ZNRF3: variants seen among roughly 807,000 people sequenced by gnomAD.
ZNRF3 encodes zinc and ring finger 3, also known as E3 ubiquitin-protein ligase ZNRF3.
A neutral mutation model predicts 72.5 loss-of-function variants in ZNRF3; 23 were observed. That is an observed-to-expected ratio of 0.32 (90% CI 0.23 to 0.45). The LOEUF is 0.45. Ranked by LOEUF, ZNRF3 falls within the 20% of genes least tolerant of loss-of-function variation. The probability of loss-of-function intolerance (pLI) is 1.00; values close to 1 mark genes in which losing one functional copy is unlikely to be tolerated. For missense variants in ZNRF3, 1,169 were observed against 1,272.1 expected (o/e 0.92, Z 1.23); for synonymous variants, 610 against 545.3 (o/e 1.12, Z -1.65).
At position 29,056,316 on chromosome 22, in the gene ZNRF3, G is replaced by A. The variant is rs1364318780; in HGVS notation, c.*2694G>A. 2 of 152,102 alleles carry A rather than the reference G, an allele frequency of 1.3e-5. No individual in the cohort carries two copies. The highest frequency in any genetic ancestry group is 2.9e-5 in the Non-Finnish European group (2 of 68,048). The allele number at this position is 152,102 out of a possible 1,614,324, so 9.4% of individuals were successfully genotyped here. A position where few individuals can be genotyped will look rare whatever the true frequency, so the allele number is the denominator to read the frequency against. On this transcript the variant is annotated 3_prime_UTR_variant, in exon 9 of 9. Transcript: ENST00000544604. ...GGGTATCTCCATGTTGGTCAGGCTG[G>A]TCTTGGATTCCCGACCTCAGGTGAT...
At chr22:29,003,970 C>T (rs530896834) in intron 2 of ZNRF3, among the ~76,000 whole-genome samples, 1 of 152,360 alleles carries the variant, frequency 6.6e-6, no homozygotes, top group East Asian at 1.9e-4. Context: ...TTTGGGCAAT[C>T]CAGGTGTGTT....
At chr22:28,980,642 A>G (rs2035748827) in intron 1 of ZNRF3, among the ~76,000 whole-genome samples, 1 of 152,256 alleles carries the variant, frequency 6.6e-6, no homozygotes, top group Non-Finnish European at 1.5e-5. Flanking sequence ...CAAAGAGCAA[A>G]AGTAAAACAA....
chr22:28,989,494 G>C (rs2035916789), intron 2 of ZNRF3, among the ~76,000 whole-genome samples: 1 of 152,150 alleles, frequency 6.6e-6, no homozygotes, highest in Non-Finnish European at 1.5e-5. Context: ...CAAAAAAATA[G>C]GTTAAAGGAA....
intron 1 of ZNRF3, among the ~76,000 whole-genome samples, chr22:28,969,906 T>C (rs1049483536): frequency 3.9e-5 from 6 of 151,960 alleles, no homozygotes; most frequent in African/African-American, 1.5e-4. Context: ...GGGTTCTGAA[T>C]AGGTTTTGTA....
chr22:28,987,832 A>G (rs1265898265), intron 2 of ZNRF3, among the ~76,000 whole-genome samples: 3 of 152,184 alleles, frequency 2.0e-5, no homozygotes, highest in African/African-American at 4.8e-5. Context: ...TGGTTTCAGA[A>G]TGGCAGACAG....
At chr22:29,041,373 G>T (rs1270701164) in intron 2 of ZNRF3, among the ~76,000 whole-genome samples, 1 of 152,116 alleles carries the variant, frequency 6.6e-6, no homozygotes, top group Admixed American at 6.5e-5. Flanking sequence ...TCGAACTCCA[G>T]CCATGCTATA....
At chr22:28,912,946 G>A (rs934819940) in intron 1 of ZNRF3, among the ~76,000 whole-genome samples, 3 of 152,172 alleles carry the variant, frequency 2.0e-5, no homozygotes, top group African/African-American at 4.8e-5. Flanking sequence ...GATTACAGGC[G>A]TAAGCCACCG....
intron 2 of ZNRF3, among the ~76,000 whole-genome samples, chr22:29,035,743 A>AT (rs771678036): frequency 5.5e-4 from 82 of 149,188 alleles, no homozygotes; most frequent in Non-Finnish European, 8.1e-4. Context: ...GCCCAGCTAA[A>AT]TTTTTTTTTT....
At chr22:28,899,060 CT>C (rs1275926006) in intron 1 of ZNRF3, among the ~76,000 whole-genome samples, 1 of 151,288 alleles carries the variant, frequency 6.6e-6, no homozygotes, top group Non-Finnish European at 1.5e-5. Context: ...TTCAGGCTGC[CT>C]TTTCATGGCA....
chr22:29,050,742 C>T lies in ZNRF3; in HGVS notation c.2561C>T (p.Ser854Phe), dbSNP rs765199795. 3 of 1,610,148 alleles carry T rather than the reference C, an allele frequency of 1.9e-6. No homozygotes were observed. The highest frequency in any genetic ancestry group is 1.7e-5 in the Admixed American group (1 of 59,672). ...TGCCAAGGGACCCACAGCCTCGGCT[C>T]CTGGGGTGGGACGCGAGGCCCGGAT... ...SDCQGTHSLG[S>F]WGGTRGPDTP... Residue 854 changes from serine (S) to phenylalanine (F), a missense_variant, in exon 8 of 9, where the codon TCC becomes TTC. By Grantham distance (155) the Ser-to-Phe change is radical. Around this residue, in one of 2 missense-constraint regions of ZNRF3, gnomAD observed 783 missense variants for 731.4 expected, o/e 1.07. Transcript: ENST00000544604.
In ZNRF3 at chr22:28,969,507, A is replaced by T. The variant is rs550473794; in HGVS notation, c.301-17569A>T. On this transcript the variant is annotated intron_variant, in intron 1 of 8. Coordinates refer to ENST00000544604, the MANE Select transcript of ZNRF3 (RefSeq NM_001206998.2). ...GGGTAGATTATTCCAGGCAGAGGGA[A>T]CAAGAGCAAGTGCAAAAAACCTATG... 9.1e-4 allele frequency among the ~76,000 whole-genome samples: 138 copies of T among 152,292 alleles called. 2 individuals carry two copies. In the South Asian group the frequency reaches 0.022, roughly 25 times the overall value.
At chr22:28,976,184 G>C (rs2035670863) in intron 1 of ZNRF3, among the ~76,000 whole-genome samples, 1 of 152,104 alleles carries the variant, frequency 6.6e-6, no homozygotes, top group South Asian at 2.1e-4. Context: ...ATATAAATGA[G>C]GCAGAGGTTG....
chr22:28,920,137 T>G (rs898944825), intron 1 of ZNRF3, among the ~76,000 whole-genome samples: 2 of 150,238 alleles, frequency 1.3e-5, no homozygotes, highest in Admixed American at 6.7e-5. Flanking sequence ...GCCCAGCTAT[T>G]TTTTTTTTGG....
intron 1 of ZNRF3, among the ~76,000 whole-genome samples, chr22:28,893,445 C>G (rs115828813): frequency 0.023 from 3,503 of 151,570 alleles, 93 homozygotes; most frequent in African/African-American, 0.057. Flanking sequence ...GTGAGCCTTG[C>G]AGCTACCAGT....
At chr22:28,968,520 G>A (rs1003759890) in intron 1 of ZNRF3, among the ~76,000 whole-genome samples, 3 of 152,032 alleles carry the variant, frequency 2.0e-5, no homozygotes, top group Non-Finnish European at 4.4e-5. Context: ...GACCAGTCTG[G>A]CCAACATGGT....
chr22:29,022,972 T>C (rs2036565706), intron 2 of ZNRF3, among the ~76,000 whole-genome samples: 1 of 152,224 alleles, frequency 6.6e-6, no homozygotes, highest in Non-Finnish European at 1.5e-5. Flanking sequence ...ACCTGAATTA[T>C]GTATATTGTA....
At chr22:29,034,964 G>A (rs1443673260) in intron 2 of ZNRF3, among the ~76,000 whole-genome samples, 3 of 148,656 alleles carry the variant, frequency 2.0e-5, no homozygotes, top group Non-Finnish European at 4.5e-5. Context: ...GAATTTGACT[G>A]TGAACCATGC....
At position 28,924,725 on chromosome 22, in the gene ZNRF3, AG is replaced by A. The variant is rs1275073083; in HGVS notation, c.300+40661del. The stretch of plus-strand genomic sequence containing the variant: ...GTACTCCAGCCTGGGCAACAGAGCA[AG>A]GCCTTGTCTCTAAAAAATAATAATA... On this transcript the variant is annotated intron_variant, in intron 1 of 8. Coordinates refer to ENST00000544604, the MANE Select transcript of ZNRF3 (RefSeq NM_001206998.2). 5.9e-5 allele frequency among the ~76,000 whole-genome samples: 9 copies of A among 152,236 alleles called. 1 individual carries two copies. The South Asian group carries it at 1.5e-3, about 25-fold the overall frequency.
At chr22:29,032,519 G>T (rs1253671068) in intron 2 of ZNRF3, among the ~76,000 whole-genome samples, 2 of 152,142 alleles carry the variant, frequency 1.3e-5, no homozygotes, top group Non-Finnish European at 2.9e-5. Flanking sequence ...AGCAGAAGAT[G>T]GCACCAGTAA....
Sources: allele counts gnomAD v4.1 joint callset (sites outside exome capture counted in the v4.1 genomes callset), GRCh38; gene constraint gnomAD v4.1.1; regional missense constraint gnomAD v4.1.1; transcripts MANE v1.5; gene names NCBI Gene and HGNC (gene_info 2026-07-23, HGNC 2026-07-21).